TTLL12: variants seen among roughly 807,000 people sequenced by gnomAD.
TTLL12 encodes tubulin--tyrosine ligase-like protein 12.
Under a neutral mutation model 79.6 loss-of-function variants are expected in TTLL12, and 77 were observed. The observed-to-expected ratio is 0.97, with a 90% CI of 0.81 to 1.17. The LOEUF (loss-of-function observed/expected upper bound fraction) is 1.17, where lower values mean the gene tolerates loss of function less well. Ranked by LOEUF, TTLL12 falls within the 50% of genes most tolerant of loss-of-function variation. The probability of loss-of-function intolerance (pLI) is 0.00; values close to 1 mark genes in which losing one functional copy is unlikely to be tolerated. For missense variants in TTLL12, 969 were observed against 895.9 expected (o/e 1.08, Z -1.04); for synonymous variants, 437 against 376.1 (o/e 1.16, Z -1.87).
At position 43,176,355 on chromosome 22, in the gene TTLL12, G is replaced by C. The variant is rs767459538; in HGVS notation, c.882C>G (p.Ile294Met). 1 of 1,605,206 alleles carries C rather than the reference G, an allele frequency of 6.2e-7. No homozygotes were observed. Among genetic ancestry groups the C allele is most frequent in the South Asian group, 1.1e-5 (1 of 88,866 alleles). ...EENKEKLPLDINPVVHPHGHI... is the reference protein window; with the variant it reads ...EENKEKLPLDMNPVVHPHGHI... The stretch of plus-strand genomic sequence containing the variant: ...GGCCGTGGGGGTGCACCACGGGGTT[G>C]ATGTCAAGTGGCAGCTTCTCCTTGT... The change falls in exon 6 of 14, where the codon ATC becomes ATG. Residue 294 changes from isoleucine (I) to methionine (M), a missense_variant. Coordinates refer to ENST00000216129, the MANE Select transcript of TTLL12 (RefSeq NM_015140.4).
At position 43,179,769 on chromosome 22, in the gene TTLL12, G is replaced by C. The variant is rs560806067; in HGVS notation, c.707-17C>G. ...TCACCTCCTCTGTGCCAAGACATGA[G>C]TGCCCATCAGAGGGGGTGACGGGAC... On this transcript the variant is annotated splice_polypyrimidine_tract_variant and intron_variant, in intron 4 of 13. Coordinates refer to ENST00000216129, the MANE Select transcript of TTLL12 (RefSeq NM_015140.4). 1.9e-6 allele frequency: 3 copies of C among 1,550,760 alleles called. No homozygotes were observed. The South Asian group carries it at 3.6e-5, about 19-fold the overall frequency.
chr22:43,183,176 G>C, intron 1 of TTLL12, 27 bp from the exon 2 acceptor site: 1 of 1,612,128 alleles, frequency 6.2e-7, no homozygotes, highest in Non-Finnish European at 8.5e-7. Context: ...CCGTCAGCAG[G>C]GGTGTGGGCA....
In TTLL12 at chr22:43,168,062, G is replaced by A; in HGVS notation, c.1881C>T (p.Phe627=). 1 of 1,614,176 alleles carries A rather than the reference G, an allele frequency of 6.2e-7. No homozygotes were observed. The highest frequency in any genetic ancestry group is 1.1e-5 in the South Asian group (1 of 91,086). The part of the protein sequence containing the change: ...RYHPTFFNDV[F]STLFLDQPGG... ...CGGGCTGGTCCAGAAACAAGGTGCT[G>A]AAGACGTCGTTGAAGAAGGTGGGGT... Residue 627 remains phenylalanine, a synonymous_variant, in exon 14 of 14, where the codon TTC becomes TTT. Transcript: ENST00000216129.
Position 43,176,311 on chromosome 22 carries a change from G to A in TTLL12, c.917+9C>T, listed in dbSNP as rs1267904393. The A allele has an allele frequency of 1.9e-6, 3 of 1,577,500 alleles. No homozygotes were observed. Among genetic ancestry groups the A allele is most frequent in the South Asian group, 2.3e-5 (2 of 86,704 alleles). On this transcript the variant is annotated intron_variant, in intron 6 of 13. Transcript: ENST00000216129. ...GTCCCAGCCCAAGCAGTGGGGGGGG[G>A]CTACGCACTTGAAGATGTGGCCGTG...
At chr22:43,174,665 G>T in intron 6 of TTLL12, 50 bp from the exon 7 acceptor site, 1 of 1,384,058 alleles carries the variant, frequency 7.2e-7, no homozygotes, top group South Asian at 1.2e-5. Flanking sequence ...GTGTCCAAGC[G>T]GGACTCCAGC....
At chr22:43,179,518 G>T (rs1931997256) in intron 5 of TTLL12, 101 bp downstream of exon 5, 2 of 1,421,092 alleles carry the variant, frequency 1.4e-6, no homozygotes, top group African/African-American at 1.5e-5. Flanking sequence ...CTGGCTCAGG[G>T]CCTGGCACCC....
At chr22:43,168,993 C>T (rs1039002808) in intron 12 of TTLL12, 81 bp from the exon 13 acceptor site, 19 of 1,486,132 alleles carry the variant, frequency 1.3e-5, no homozygotes, top group African/African-American at 2.8e-5. Context: ...GCCCAAGTCC[C>T]GGGCCCCACG....
intron 2 of TTLL12, among the ~76,000 whole-genome samples, chr22:43,181,588 C>T (rs1446252109): frequency 6.6e-6 from 1 of 152,234 alleles, no homozygotes; most frequent in Non-Finnish European, 1.5e-5. Flanking sequence ...ACAGGATCAA[C>T]TGTCCCTACC....
intron 1 of TTLL12, among the ~76,000 whole-genome samples, chr22:43,186,676 G>C (rs1193037579): frequency 6.6e-6 from 1 of 152,174 alleles, no homozygotes; most frequent in Non-Finnish European, 1.5e-5. Context: ...CCCTCAGCCG[G>C]TCTCGGGCCC....
At chr22:43,171,492 T>C in intron 11 of TTLL12, 1 of 266,320 alleles carries the variant, frequency 3.8e-6, no homozygotes, top group Non-Finnish European at 7.5e-6. Context: ...TGGTCTGCTT[T>C]TCCGGTTGAA....
At chr22:43,181,768 T>A (rs1159848047) in intron 2 of TTLL12, among the ~76,000 whole-genome samples, 1 of 152,172 alleles carries the variant, frequency 6.6e-6, no homozygotes, top group Non-Finnish European at 1.5e-5. Flanking sequence ...GGGGGGCAAG[T>A]TCAGGAGTAT....
chr22:43,181,538 C>T (rs1932056688), intron 2 of TTLL12, among the ~76,000 whole-genome samples: 1 of 152,256 alleles, frequency 6.6e-6, no homozygotes, highest in Admixed American at 6.5e-5. Flanking sequence ...CACAGGACCC[C>T]TGCAGCTGAG....
chr22:43,183,931 C>G (rs909829158), intron 1 of TTLL12, among the ~76,000 whole-genome samples: 3 of 152,244 alleles, frequency 2.0e-5, no homozygotes, highest in East Asian at 3.8e-4. Context: ...ACTTAACTAT[C>G]CCATGCGTGT....
At chr22:43,180,621 C>A (rs1932031022) in intron 3 of TTLL12, 121 bp downstream of exon 3, 1 of 1,160,906 alleles carries the variant, frequency 8.6e-7, no homozygotes, top group Admixed American at 2.1e-5. Context: ...CCTTAGGAAG[C>A]CACAGGAGAA....
intron 5 of TTLL12, among the ~76,000 whole-genome samples, chr22:43,178,072 C>T (rs1027773605): frequency 2.0e-5 from 3 of 152,182 alleles, no homozygotes; most frequent in Admixed American, 2.0e-4. Context: ...GTGTTTGTCC[C>T]TCCAGTTGCA....
intron 13 of TTLL12, among the ~76,000 whole-genome samples, chr22:43,168,428 T>TA (rs5845587): frequency 0.28 from 40,627 of 146,582 alleles, 5,564 homozygotes; most frequent in South Asian, 0.33. Flanking sequence ...TTCAGTTTAG[T>TA]AAAAAAAAAA....
intron 10 of TTLL12, 105 bp downstream of exon 10, chr22:43,172,298 C>T (rs1931785908): frequency 1.4e-6 from 2 of 1,427,730 alleles, no homozygotes; most frequent in African/African-American, 2.8e-5. Flanking sequence ...TGGAGGGTGC[C>T]TTCCAACAAC....
chr22:43,183,977 C>T (rs1395399036), intron 1 of TTLL12, among the ~76,000 whole-genome samples: 1 of 152,252 alleles, frequency 6.6e-6, no homozygotes, highest in Non-Finnish European at 1.5e-5. Flanking sequence ...CAGAACCTCC[C>T]TCTGAGGGCT....
chr22:43,172,671 T>A, intron 9 of TTLL12, 117 bp from the exon 10 acceptor site: 1 of 1,105,096 alleles, frequency 9.0e-7, no homozygotes, highest in Non-Finnish European at 1.3e-6. Context: ...TCCTTCTGCC[T>A]TTTCAAACCT....
Sources: allele counts gnomAD v4.1 joint callset (sites outside exome capture counted in the v4.1 genomes callset), GRCh38; gene constraint gnomAD v4.1.1; transcripts MANE v1.5; gene names NCBI Gene and HGNC (gene_info 2026-07-23, HGNC 2026-07-21).